RBMS2: variants seen among roughly 807,000 people sequenced by gnomAD.
RBMS2 encodes RNA binding motif single stranded interacting protein 2, also known as RNA-binding motif, single-stranded-interacting protein 2.
RBMS2 carries 38 observed loss-of-function variants against 58.4 expected under a neutral mutation model. That is an observed-to-expected ratio of 0.65 (90% confidence interval 0.50 to 0.85). RBMS2 has a LOEUF of 0.85. RBMS2 is among the 40% of genes least tolerant of loss of function. The pLI, the probability that RBMS2 is intolerant of heterozygous loss-of-function variation, is 0.00. For synonymous variants in RBMS2, 151 were observed against 180.7 expected, an observed-to-expected ratio of 0.84 and a Z score of 1.32; for missense variants, 367 against 503.7, an observed-to-expected ratio of 0.73 and a Z score of 2.60.
chr12:56,587,923 A>G (rs1467066145), intron 11 of RBMS2, among the ~76,000 whole-genome samples: 1 of 152,174 alleles, frequency 6.6e-6, no homozygotes, highest in Non-Finnish European at 1.5e-5. Flanking sequence ...TATTAGTTTA[A>G]GATACACACA....
At chr12:56,523,801 T>C (rs890358410) in intron 1 of RBMS2, among the ~76,000 whole-genome samples, 4 of 152,230 alleles carry the variant, frequency 2.6e-5, no homozygotes, top group Admixed American at 1.3e-4. Context: ...TTGTTGGTTA[T>C]CAATATATGT....
chr12:56,525,727 T>A (rs1450465719), intron 1 of RBMS2, among the ~76,000 whole-genome samples: 1 of 151,904 alleles, frequency 6.6e-6, no homozygotes, highest in Non-Finnish European at 1.5e-5. Context: ...AGTGGGGCGA[T>A]CTCAGCTCAC....
chr12:56,528,050 A>G (rs1872992920), intron 1 of RBMS2: 1 of 152,100 alleles, frequency 6.6e-6, no homozygotes, highest in African/African-American at 2.4e-5. Context: ...GGAGTTCCAG[A>G]CCAGCCCGGA....
At chr12:56,583,833 T>C (rs1202256373) in intron 9 of RBMS2, among the ~76,000 whole-genome samples, 1 of 152,256 alleles carries the variant, frequency 6.6e-6, no homozygotes, top group Non-Finnish European at 1.5e-5. Context: ...ATTTGTTCTT[T>C]TCCCATCAAC....
intron 2 of RBMS2, among the ~76,000 whole-genome samples, 193 bp from the exon 3 acceptor site, chr12:56,568,782 G>C: frequency 6.6e-6 from 1 of 151,908 alleles, no homozygotes; most frequent in Admixed American, 6.6e-5. Flanking sequence ...CTCCAGCCTC[G>C]GCCTCCCAAA....
chr12:56,576,150 C>T (rs1592478511), intron 5 of RBMS2, among the ~76,000 whole-genome samples: 1 of 151,972 alleles, frequency 6.6e-6, no homozygotes, highest in Non-Finnish European at 1.5e-5. Context: ...CCAGCCTGGT[C>T]AACATGGTAA....
intron 9 of RBMS2, among the ~76,000 whole-genome samples, chr12:56,585,669 AT>A (rs751872926): frequency 6.6e-6 from 1 of 152,238 alleles, no homozygotes; most frequent in Non-Finnish European, 1.5e-5. Context: ...CCTTTTGATC[AT>A]TATGAATAAT....
In RBMS2 at chr12:56,593,580, T is replaced by C. The variant is rs11614056; in HGVS notation, c.*4447T>C. On this transcript the variant is annotated 3_prime_UTR_variant, in exon 14 of 14. Coordinates refer to ENST00000262031, the MANE Select transcript of RBMS2 (RefSeq NM_002898.4). ...TTTTTTCTTTGAGACGGAGTCTCGC[T>C]CTGTCGCCCAGGCTGGAGTGCAGTG... 4.5e-3 allele frequency: 686 copies of C among 152,352 alleles called. 4 individuals are homozygous for C. Among genetic ancestry groups the C allele is most frequent in the Non-Finnish European group, 6.5e-3 (447 of 68,318 alleles). 9.4% of individuals were successfully genotyped at this position (152,352 alleles called of 1,614,324 possible).
At chr12:56,576,553 A>C (rs1883160243) in intron 5 of RBMS2, among the ~76,000 whole-genome samples, 2 of 152,104 alleles carry the variant, frequency 1.3e-5, no homozygotes, top group Non-Finnish European at 2.9e-5. Context: ...AGGGGGGACT[A>C]CTAGAGTCAT....
chr12:56,522,184 G>C, intron 1 of RBMS2, 95 bp downstream of exon 1: 3 of 999,642 alleles, frequency 3.0e-6, no homozygotes, highest in South Asian at 1.5e-5. Context: ...GAGGGGAAGG[G>C]GCTTCCTCTC....
In RBMS2 at chr12:56,582,063, T is replaced by C. The variant is rs150186901; in HGVS notation, c.784T>C (p.Tyr262His). The C allele has an allele frequency of 9.4e-5, 151 of 1,602,772 alleles. 1 individual carries two copies. The highest frequency in any genetic ancestry group is 1.3e-4 in the Non-Finnish European group (148 of 1,174,040). ...DPTTALQNGF[Y>H]PAPYNITPNR... ...GATTGAGGTTCCTTCCCACAGGTTT[T>C]ACCCAGCCCCCTATAACATCACCCC... The change falls in exon 9 of 14, where the codon TAC (tyrosine) becomes CAC (histidine). Residue 262 changes from tyrosine to histidine, a missense_variant. By Grantham distance (83) the Tyr-to-His change is moderately conservative (BLOSUM62 2). This residue lies in a region of RBMS2 where 220 missense variants were observed against 261.1 expected (regional missense o/e 0.84). Coordinates refer to ENST00000262031, the MANE Select transcript of RBMS2 (RefSeq NM_002898.4).
At chr12:56,575,737 A>G (rs926028688) in intron 5 of RBMS2, among the ~76,000 whole-genome samples, 8 of 151,954 alleles carry the variant, frequency 5.3e-5, no homozygotes, top group African/African-American at 1.9e-4. Flanking sequence ...TCTACTAAAA[A>G]TGCAAAATTA....
In RBMS2 at chr12:56,595,553, T is replaced by C. The variant is rs1885694484; in HGVS notation, c.*6420T>C. 6.6e-6 allele frequency: 1 copy of C among 151,632 alleles called. No individual in the cohort carries two copies. The highest frequency in any genetic ancestry group is 1.5e-5 in the Non-Finnish European group (1 of 67,852). 9.4% of individuals were successfully genotyped at this position (151,632 alleles called of 1,614,324 possible). A position where few individuals can be genotyped will look rare whatever the true frequency, so the allele number is the denominator to read the frequency against. ...CCCTACAACTTGGTAGAGGTCCATT[T>C]TGTCTTACTTCACACTTTTTTTTTT... On this transcript the variant is annotated 3_prime_UTR_variant, in exon 14 of 14. Transcript: ENST00000262031.
At chr12:56,547,224 G>A (rs748947551) in intron 1 of RBMS2, among the ~76,000 whole-genome samples, 6 of 151,970 alleles carry the variant, frequency 3.9e-5, no homozygotes, top group Admixed American at 1.3e-4. Flanking sequence ...GCATGGTGGC[G>A]GGTGCCTGTA....
Position 56,560,553 on chromosome 12 carries a change from C to T in RBMS2, c.67-1864C>T, listed in dbSNP as rs117809016. On this transcript the variant is annotated intron_variant, in intron 1 of 13. Transcript: ENST00000262031. ...ACGGGCGTGAGCCACTGCACCCTGCCTCAACTAATTTTTGTATTTTTTGTA... is the reference window on the plus strand; with the variant it reads ...ACGGGCGTGAGCCACTGCACCCTGCTTCAACTAATTTTTGTATTTTTTGTA... Among the ~76,000 whole-genome samples the T allele has an allele frequency of 1.3e-3, 195 of 152,126 alleles. No individual in the cohort carries two copies. The East Asian group carries it at 0.017, about 13-fold the overall frequency.
At chr12:56,568,831 C>A in intron 2 of RBMS2, 144 bp from the exon 3 acceptor site, 1 of 694,484 alleles carries the variant, frequency 1.4e-6, no homozygotes, top group Non-Finnish European at 2.4e-6. Context: ...CACCCGGCCC[C>A]CGTTTCTTTT....
At chr12:56,535,102 T>G (rs999889748) in intron 1 of RBMS2, among the ~76,000 whole-genome samples, 16 of 152,268 alleles carry the variant, frequency 1.1e-4, no homozygotes, top group African/African-American at 3.4e-4. Context: ...CTGGTTCCTT[T>G]CCTGGTTTCT....
At chr12:56,560,791 A>G (rs1392924564) in intron 1 of RBMS2, among the ~76,000 whole-genome samples, 1 of 152,130 alleles carries the variant, frequency 6.6e-6, no homozygotes, top group Non-Finnish European at 1.5e-5. Context: ...GTTCATGGGT[A>G]TATGTGCAGG....
Position 56,562,471 on chromosome 12 carries a change from C to T in RBMS2, c.121C>T (p.Pro41Ser), listed in dbSNP as rs1448580487. The T allele has an allele frequency of 4.4e-6, 7 of 1,607,468 alleles. No individual in the cohort carries two copies. The Admixed American group carries it at 1.0e-4, about 23-fold the overall frequency. Residue 41 changes from proline (P) to serine (S), a missense_variant, in exon 2 of 14, where the codon CCT becomes TCT. Coordinates refer to ENST00000262031, the MANE Select transcript of RBMS2 (RefSeq NM_002898.4). ...MAPPSPSNST[P>S]NSSSGSNGND... Reference sequence around the variant, plus strand: ...ACCACCTAGCCCAAGCAACAGTACACCTAACAGCAGTAGTGGAAGCAATGG... The same window carrying T: ...ACCACCTAGCCCAAGCAACAGTACATCTAACAGCAGTAGTGGAAGCAATGG...
Sources: allele counts gnomAD v4.1 joint callset (sites outside exome capture counted in the v4.1 genomes callset), GRCh38; gene constraint gnomAD v4.1.1; regional missense constraint gnomAD v4.1.1; transcripts MANE v1.5; gene names NCBI Gene and HGNC (gene_info 2026-07-23, HGNC 2026-07-21).